Variants in MS4A3 observed in about 807,000 individuals in gnomAD.
MS4A3 encodes membrane spanning 4-domains A3.
A neutral mutation model predicts 24.7 loss-of-function variants in MS4A3; 18 were observed. That is an observed-to-expected ratio of 0.73 (90% CI 0.50 to 1.08). MS4A3 has a LOEUF of 1.08. Ranked by LOEUF, MS4A3 falls within the 50% of genes least tolerant of loss-of-function variation. MS4A3 has a pLI of 0.00. For missense variants in MS4A3, 282 were observed against 251.7 expected (o/e 1.12, Z -0.82); for synonymous variants, 84 against 95.3 (o/e 0.88, Z 0.69).
At chr11:60,070,064 T>C in intron 6 of MS4A3, 140 bp from the exon 7 acceptor site, 1 of 725,032 alleles carries the variant, frequency 1.4e-6, no homozygotes, top group South Asian at 1.6e-5. Context: ...GTACTGTGTA[T>C]ATAATCTTTA....
chr11:60,061,415 A>C (rs1855272867), intron 2 of MS4A3, 99 bp downstream of exon 2: 5 of 1,418,830 alleles, frequency 3.5e-6, no homozygotes, highest in Non-Finnish European at 4.8e-6. Context: ...ATTCCCTTAC[A>C]TGTGGATTTC....
At chr11:60,069,430 T>C in intron 5 of MS4A3, 144 bp from the exon 6 acceptor site, 1 of 625,328 alleles carries the variant, frequency 1.6e-6, no homozygotes, top group Non-Finnish European at 2.9e-6. Context: ...TCTACAGTGT[T>C]ATATGTGTCT....
chr11:60,070,338 A>C lies in MS4A3; in HGVS notation c.*105A>C. ...CAGGAGAACATAAGCCTGCTCGTAA[A>C]GCTCAATCCTTCTATCATGGCACCA... On this transcript the variant is annotated 3_prime_UTR_variant, in exon 7 of 7. Coordinates refer to ENST00000278865, the MANE Select transcript of MS4A3 (RefSeq NM_006138.5). 3.4e-6 allele frequency: 3 copies of C among 890,666 alleles called. No individual in the cohort carries two copies. Among genetic ancestry groups the C allele is most frequent in the Non-Finnish European group, 1.8e-6 (1 of 557,064 alleles). The allele number at this position is 890,666 out of a possible 1,614,324, so 55.2% of individuals were successfully genotyped here.
intron 5 of MS4A3, among the ~76,000 whole-genome samples, chr11:60,067,744 GA>G (rs1855389228): frequency 6.6e-6 from 1 of 151,348 alleles, no homozygotes; most frequent in African/African-American, 2.4e-5. Context: ...TCCCCAGAGA[GA>G]TTTTTTTTTA....
chr11:60,063,941 C>A (rs1265189842), intron 3 of MS4A3, among the ~76,000 whole-genome samples: 1 of 151,674 alleles, frequency 6.6e-6, no homozygotes, highest in Non-Finnish European at 1.5e-5. Flanking sequence ...GATGGGTGCA[C>A]CAAAATCTCA....
In MS4A3 at chr11:60,061,137, C is replaced by A; in HGVS notation, c.-15-9C>A. 6.5e-7 allele frequency: 1 copy of A among 1,543,196 alleles called. No individual in the cohort carries two copies. The highest frequency in any genetic ancestry group is 1.2e-5 in the South Asian group (1 of 80,308). On this transcript the variant is annotated splice_polypyrimidine_tract_variant and intron_variant, in intron 1 of 6. Transcript: ENST00000278865. ...AGCATGAAGGCTTTGGATTTCTTTT[C>A]TATCACAGCCATAAACAACCCCAAT...
rs555594698 is a variant in MS4A3 at position 60,067,605 on chromosome 11, G to T, written c.513+493G>T. 2.0e-5 allele frequency among the ~76,000 whole-genome samples: 3 copies of T among 152,208 alleles called. No individual in the cohort carries two copies. In the East Asian group the frequency reaches 5.8e-4, roughly 29 times the overall value. ...TGAATTTTCTCATTTTTGAAATGAG[G>T]ATAACAATAGTACCCGTCTCATAGG... is the stretch of plus-strand genomic sequence containing the variant. On this transcript the variant is annotated intron_variant, in intron 5 of 6. Transcript: ENST00000278865.
chr11:60,062,157 G>A (rs1177753446), intron 2 of MS4A3, among the ~76,000 whole-genome samples: 1 of 152,090 alleles, frequency 6.6e-6, no homozygotes, highest in African/African-American at 2.4e-5. Flanking sequence ...AAGCATGCTG[G>A]GAAGAGACTT....
chr11:60,056,769 CCTTT>C (rs1355302826), intron 1 of MS4A3, 29 bp downstream of exon 1: 2 of 152,246 alleles, frequency 1.3e-5, no homozygotes, highest in South Asian at 4.2e-4. Context: ...TAGACATTCC[CCTTT>C]CTTTTATATC....
At chr11:60,069,414 A>G (rs2298584) in intron 5 of MS4A3, 160 bp from the exon 6 acceptor site, 161,968 of 496,862 alleles carry the variant, frequency 0.33, 29,198 homozygotes, top group Admixed American at 0.48. Flanking sequence ...TTGAGATACT[A>G]TCTCTTCTAC....
At chr11:60,068,238 CTTT>C (rs71456407) in intron 5 of MS4A3, among the ~76,000 whole-genome samples, 2 of 103,906 alleles carry the variant, frequency 1.9e-5, no homozygotes, top group Non-Finnish European at 3.6e-5. Context: ...ATAACCTTAC[CTTT>C]TTTTTTTTTT....
In MS4A3 at chr11:60,061,282, C is replaced by A; in HGVS notation, c.122C>A (p.Pro41Gln). ...GTCTACCAGCCCATAGATGGATCAC[C>A]AGATTATCAGAAAGCAAAATTACAA... ...TSVYQPIDGSPDYQKAKLQVL... is the reference protein window; with the variant it reads ...TSVYQPIDGSQDYQKAKLQVL... The change falls in exon 2 of 7, where the codon CCA becomes CAA. Residue 41 changes from proline (P) to glutamine (Q), a missense_variant. Coordinates refer to ENST00000278865, the MANE Select transcript of MS4A3 (RefSeq NM_006138.5). 6.2e-7 allele frequency: 1 copy of A among 1,611,130 alleles called. No homozygotes were observed.
intron 1 of MS4A3, among the ~76,000 whole-genome samples, chr11:60,057,338 G>C (rs1855187003): frequency 6.6e-6 from 1 of 152,162 alleles, no homozygotes; most frequent in Non-Finnish European, 1.5e-5. Flanking sequence ...CACATACTAA[G>C]AGCTGGAGAG....
chr11:60,059,384 A>G (rs11824940), intron 1 of MS4A3, among the ~76,000 whole-genome samples: 39,027 of 152,066 alleles, frequency 0.26, 6,253 homozygotes, highest in East Asian at 0.44. Flanking sequence ...AAGATACTAT[A>G]CTTTCTTTTT....
chr11:60,062,030 T>C (rs567929906), intron 2 of MS4A3, among the ~76,000 whole-genome samples: 1 of 152,310 alleles, frequency 6.6e-6, no homozygotes, highest in African/African-American at 2.4e-5. Context: ...ATGAAGCTTA[T>C]ATTCTATATT....
chr11:60,057,115 C>T (rs901891018), intron 1 of MS4A3, among the ~76,000 whole-genome samples: 1 of 152,078 alleles, frequency 6.6e-6, no homozygotes. Context: ...TAGCATAGCT[C>T]AGGGGACAGT....
At chr11:60,068,601 G>C (rs956555744) in intron 5 of MS4A3, among the ~76,000 whole-genome samples, 27 of 151,898 alleles carry the variant, frequency 1.8e-4, no homozygotes, top group African/African-American at 6.5e-4. Flanking sequence ...TACCTCTTCT[G>C]AACTCTACTT....
chr11:60,060,818 G>C (rs762381087), intron 1 of MS4A3: 5 of 168,470 alleles, frequency 3.0e-5, no homozygotes, highest in Non-Finnish European at 6.3e-5. Flanking sequence ...ACTGCTCAGA[G>C]AAACCATATG....
chr11:60,057,392 A>ATT (rs397848515), intron 1 of MS4A3, among the ~76,000 whole-genome samples: 144 of 119,514 alleles, frequency 1.2e-3, no homozygotes, highest in African/African-American at 3.7e-3. Context: ...CATTTCTCTG[A>ATT]TTTTGTGTGT....
Sources: gnomAD v4.1 joint callset for allele counts (sites outside exome capture counted in the v4.1 genomes callset) on GRCh38, gnomAD v4.1.1 for gene constraint, MANE v1.5 for transcripts, NCBI Gene and HGNC (gene_info 2026-07-23, HGNC 2026-07-21) for gene names.